The following KCNQ3 variants were observed in gnomAD, a reference collection of about 807,000 sequenced individuals.
KCNQ3 encodes the protein potassium voltage-gated channel subfamily Q member 3.
Under a neutral mutation model 92.5 loss-of-function variants are expected in KCNQ3, and 30 were observed. The ratio of observed to expected loss-of-function variants is 0.32; its 90% CI spans 0.24 to 0.44. The LOEUF (loss-of-function observed/expected upper bound fraction) is 0.44. Ranked by LOEUF, KCNQ3 falls within the 20% of genes least tolerant of loss-of-function variation. KCNQ3 has a pLI of 1.00. For missense variants in KCNQ3, 913 were observed against 1,140.3 expected, an observed-to-expected ratio of 0.80 and a Z score of 2.87; for synonymous variants, 450 against 468.8, an observed-to-expected ratio of 0.96 and a Z score of 0.52.
chr8:132,334,529 T>C (rs931425283), intron 1 of KCNQ3, among the ~76,000 whole-genome samples: 1 of 152,240 alleles, frequency 6.6e-6, no homozygotes, highest in Admixed American at 6.5e-5. Context: ...GAAGACAACC[T>C]TTCTATGGCT....
At chr8:132,343,508 C>T (rs1363416292) in intron 1 of KCNQ3, among the ~76,000 whole-genome samples, 1 of 152,144 alleles carries the variant, frequency 6.6e-6, no homozygotes, top group Non-Finnish European at 1.5e-5. Context: ...CTGGCAGAGG[C>T]TGGAGAAGAC....
rs866402671 is a variant in KCNQ3, at chr8:132,122,314, A to G, written c.*6948T>C. 27 of 152,236 alleles carry G rather than the reference A, an allele frequency of 1.8e-4. No individual in the cohort carries two copies. Among genetic ancestry groups the G allele is most frequent in the African/African-American group, 5.1e-4 (21 of 41,464 alleles). 9.4% of individuals were successfully genotyped at this position (152,236 alleles called of 1,614,324 possible). ...AAGCAACTCATAAGGAGTGCTTAGG[A>G]TAAGTTTCTCTCCCCTTCCCTGACC... On this transcript the variant is annotated 3_prime_UTR_variant, in exon 15 of 15. Transcript: ENST00000388996.
chr8:132,346,545 AG>A (rs1289082634), intron 1 of KCNQ3, among the ~76,000 whole-genome samples: 1 of 152,336 alleles, frequency 6.6e-6, no homozygotes, highest in East Asian at 1.9e-4. Context: ...CACAGCTAAA[AG>A]CTTGCCTTGC....
intron 1 of KCNQ3, among the ~76,000 whole-genome samples, chr8:132,450,621 A>G (rs998758857): frequency 6.6e-6 from 1 of 152,214 alleles, no homozygotes; most frequent in Non-Finnish European, 1.5e-5. Context: ...TGGTTTCTGA[A>G]GATGAAGTGG....
intron 1 of KCNQ3, among the ~76,000 whole-genome samples, chr8:132,258,070 T>C (rs1815653590): frequency 6.6e-6 from 1 of 152,038 alleles, no homozygotes; most frequent in Non-Finnish European, 1.5e-5. Flanking sequence ...TCACTGGAGA[T>C]TTCAATATCT....
chr8:132,386,865 A>G (rs1227164528), intron 1 of KCNQ3, among the ~76,000 whole-genome samples: 1 of 152,214 alleles, frequency 6.6e-6, no homozygotes, highest in African/African-American at 2.4e-5. Flanking sequence ...TTCTCTAAAT[A>G]CATTTTGGGG....
At chr8:132,186,006 C>A in intron 2 of KCNQ3, 85 bp downstream of exon 2, 2 of 960,952 alleles carry the variant, frequency 2.1e-6, no homozygotes, top group Non-Finnish European at 3.4e-6. Context: ...TGCAACCAGT[C>A]AGGGAGGAGT....
chr8:132,422,723 A>G (rs1821007471), intron 1 of KCNQ3, among the ~76,000 whole-genome samples: 1 of 152,218 alleles, frequency 6.6e-6, no homozygotes, highest in African/African-American at 2.4e-5. Context: ...CTTCATTTCC[A>G]AATCCTAATG....
chr8:132,354,863 C>T lies in KCNQ3; in HGVS notation c.386+125284G>A, dbSNP rs114252937. On this transcript the variant is annotated intron_variant, in intron 1 of 14. Transcript: ENST00000388996. ...CCCCAATAATCCCTGGTAGCCTCTGCTCTTTACAGTCCTCAGTATACAGCC... is the reference window on the plus strand; with the variant it reads ...CCCCAATAATCCCTGGTAGCCTCTGTTCTTTACAGTCCTCAGTATACAGCC... Among the ~76,000 whole-genome samples the T allele has an allele frequency of 5.3e-3, 806 of 152,300 alleles. 6 individuals are homozygous for T. Among genetic ancestry groups the T allele is most frequent in the African/African-American group, 0.018 (753 of 41,552 alleles).
chr8:132,177,629 C>T (rs1198082883), intron 4 of KCNQ3, among the ~76,000 whole-genome samples: 2 of 152,158 alleles, frequency 1.3e-5, no homozygotes, highest in Non-Finnish European at 2.9e-5. Flanking sequence ...CTCTAGGGCT[C>T]ATTTATTTTG....
At chr8:132,357,970 T>A (rs6982899) in intron 1 of KCNQ3, among the ~76,000 whole-genome samples, 8,270 of 152,306 alleles carry the variant, frequency 0.054, 277 homozygotes, top group Non-Finnish European at 0.082. Context: ...TCAAACTCCA[T>A]CCCGTCCTCG....
At chr8:132,370,588 A>G (rs1044254354) in intron 1 of KCNQ3, among the ~76,000 whole-genome samples, 1 of 152,084 alleles carries the variant, frequency 6.6e-6, no homozygotes, top group African/African-American at 2.4e-5. Flanking sequence ...GGAAGAGGAG[A>G]GCAAGACGTT....
In KCNQ3 at chr8:132,433,496, A is replaced by G. The variant is rs768586297; in HGVS notation, c.386+46651T>C. Among the ~76,000 whole-genome samples, 12 of 152,342 alleles carry G rather than the reference A, an allele frequency of 7.9e-5. No homozygotes were observed. In the South Asian group the frequency reaches 1.0e-3, roughly 13 times the overall value. The stretch of plus-strand genomic sequence containing the variant: ...GAGAAATCAACGCCAAGGCCAACAC[A>G]TGTGGGAGTGCTGGATGCTGCCTTT... On this transcript the variant is annotated intron_variant, in intron 1 of 14. Transcript: ENST00000388996.
At position 132,480,674 on chromosome 8, in the gene KCNQ3, C is replaced by CCA. The variant is rs1822540661; in HGVS notation, c.-143_-142insTG. 5.8e-6 allele frequency: 5 copies of CCA among 865,098 alleles called. No individual in the cohort carries two copies. In the East Asian group the frequency reaches 3.4e-4, roughly 58 times the overall value. The allele number at this position is 865,098 out of a possible 1,614,324, so 53.6% of individuals were successfully genotyped here. A position where few individuals can be genotyped will look rare whatever the true frequency, so the allele number is the denominator to read the frequency against. On this transcript the variant is annotated 5_prime_UTR_variant, in exon 1 of 15. Transcript: ENST00000388996. ...ATGATCCGCGCGCCCCTCCCCACCC[C>CCA]CCCCCAAAAGCAGGCAAAGGCGGGC...
intron 1 of KCNQ3, among the ~76,000 whole-genome samples, chr8:132,329,156 G>C (rs981589819): frequency 6.6e-6 from 1 of 152,162 alleles, no homozygotes; most frequent in Non-Finnish European, 1.5e-5. Context: ...AGCAGGTAAC[G>C]CCGGGAGATC....
intron 1 of KCNQ3, among the ~76,000 whole-genome samples, chr8:132,468,485 T>TCTGC (rs773209182): frequency 3.3e-5 from 5 of 152,236 alleles, no homozygotes; most frequent in Non-Finnish European, 7.3e-5. Context: ...CTATGCATAT[T>TCTGC]CTGCCTGCCT....
At chr8:132,229,891 G>A (rs149777948) in intron 1 of KCNQ3, among the ~76,000 whole-genome samples, 195 of 152,272 alleles carry the variant, frequency 1.3e-3, no homozygotes, top group African/African-American at 3.2e-3. Flanking sequence ...ATCAGGAGAC[G>A]TGGTGGAAGG....
chr8:132,404,823 A>G (rs1820434876), intron 1 of KCNQ3, among the ~76,000 whole-genome samples: 1 of 152,194 alleles, frequency 6.6e-6, no homozygotes, highest in African/African-American at 2.4e-5. Flanking sequence ...AAGATCAGGC[A>G]ATTCACATGT....
At chr8:132,469,636 A>C (rs983197039) in intron 1 of KCNQ3, among the ~76,000 whole-genome samples, 1 of 152,130 alleles carries the variant, frequency 6.6e-6, no homozygotes, top group African/African-American at 2.4e-5. Context: ...GCTTGTTAAA[A>C]GATGAAACAA....
Sources: gnomAD v4.1 joint callset for allele counts (sites outside exome capture counted in the v4.1 genomes callset) on GRCh38, gnomAD v4.1.1 for gene constraint, MANE v1.5 for transcripts, NCBI Gene and HGNC (gene_info 2026-07-23, HGNC 2026-07-21) for gene names.